The following CD1B variants were observed in gnomAD, a reference collection of about 807,000 sequenced individuals.
CD1B encodes the protein T-cell surface glycoprotein CD1b.
In CD1B, 43 loss-of-function variants were observed where a neutral mutation model predicts 39.8. The ratio of observed to expected loss-of-function variants is 1.08; its 90% CI spans 0.85 to 1.39. CD1B has a LOEUF of 1.39. CD1B is among the 40% of genes most tolerant of loss of function. The pLI, the probability that CD1B is intolerant of heterozygous loss-of-function variation, is 0.00. For synonymous variants in CD1B, 192 were observed against 152.5 expected, an observed-to-expected ratio of 1.26 and a Z score of -1.91; for missense variants, 495 against 403.8, an observed-to-expected ratio of 1.23 and a Z score of -1.94.
chr1:158,302,783 C>A, the CD1B span, among the ~76,000 whole-genome samples: 2 of 152,010 alleles, frequency 1.3e-5, no homozygotes, highest in Non-Finnish European at 2.9e-5. Flanking sequence ...AGAGTTGAAT[C>A]AGTAATAAAA....
the CD1B span, among the ~76,000 whole-genome samples, chr1:158,316,760 T>G: frequency 6.6e-6 from 1 of 151,660 alleles, no homozygotes; most frequent in African/African-American, 2.4e-5. Flanking sequence ...ATACTTCCAG[T>G]TTTTGCCCAT....
chr1:158,297,227 G>A, the CD1B span, among the ~76,000 whole-genome samples: 1 of 152,046 alleles, frequency 6.6e-6, no homozygotes, highest in African/African-American at 2.4e-5. Context: ...CCTACAAAGG[G>A]ACCCCAATCA....
the CD1B span, among the ~76,000 whole-genome samples, chr1:158,316,985 G>A: frequency 1.3e-5 from 2 of 151,404 alleles, no homozygotes; most frequent in Non-Finnish European, 2.9e-5. Flanking sequence ...TATTGAACCA[G>A]CCTTGCATCC....
chr1:158,292,020 G>A, the CD1B span: 5 of 1,513,042 alleles, frequency 3.3e-6, no homozygotes, highest in South Asian at 1.3e-5. Context: ...ACAGCCCTAG[G>A]TTTTTATACT....
the CD1B span, among the ~76,000 whole-genome samples, chr1:158,309,090 AGG>A: frequency 6.6e-6 from 1 of 152,208 alleles, no homozygotes; most frequent in Non-Finnish European, 1.5e-5. Flanking sequence ...CATCTGACAA[AGG>A]GCTAATATCC....
At chr1:158,313,635 G>A in the CD1B span, among the ~76,000 whole-genome samples, 1 of 152,026 alleles carries the variant, frequency 6.6e-6, no homozygotes, top group Non-Finnish European at 1.5e-5. Context: ...TGTTTTTGTT[G>A]TGTCATCTAG....
chr1:158,311,933 T>C, the CD1B span, among the ~76,000 whole-genome samples: 6 of 152,152 alleles, frequency 3.9e-5, no homozygotes, highest in Non-Finnish European at 8.8e-5. Context: ...GTAGTGTGAT[T>C]TCTACAGATT....
chr1:158,309,957 T>C, the CD1B span, among the ~76,000 whole-genome samples: 2 of 148,890 alleles, frequency 1.3e-5, no homozygotes, highest in African/African-American at 5.0e-5. Context: ...ATTGTGCACA[T>C]ATACCCTAAA....
the CD1B span, among the ~76,000 whole-genome samples, chr1:158,286,098 G>T: frequency 6.6e-6 from 1 of 152,098 alleles, no homozygotes; most frequent in Admixed American, 6.6e-5. Flanking sequence ...CCCAGGCGAA[G>T]GCAAACACAA....
downstream of CD1B, among the ~76,000 whole-genome samples, chr1:158,323,313 T>G (rs1205405733): frequency 6.6e-6 from 1 of 152,102 alleles, no homozygotes. Context: ...ATTAATTGTA[T>G]CTTTTAGCTC....
chr1:158,311,735 A>G, the CD1B span, among the ~76,000 whole-genome samples: 1 of 152,108 alleles, frequency 6.6e-6, no homozygotes, highest in Admixed American at 6.6e-5. Context: ...TTTTCCCAGC[A>G]CTATTTATTG....
At chr1:158,292,166 C>T in the CD1B span, 47 of 1,614,002 alleles carry the variant, frequency 2.9e-5, no homozygotes, top group South Asian at 1.4e-4. Flanking sequence ...TAGCTTTCAA[C>T]GGATTAGATT....
chr1:158,311,743 T>C, the CD1B span, among the ~76,000 whole-genome samples: 1 of 152,306 alleles, frequency 6.6e-6, no homozygotes, highest in South Asian at 2.1e-4. Flanking sequence ...GCACTATTTA[T>C]TGAAGAGACT....
the CD1B span, among the ~76,000 whole-genome samples, chr1:158,311,076 T>A: frequency 5.8e-4 from 88 of 152,306 alleles, no homozygotes; most frequent in African/African-American, 2.1e-3. Flanking sequence ...AAAAAAATAA[T>A]TTTTAAAAAT....
At chr1:158,318,740 T>G in the CD1B span, among the ~76,000 whole-genome samples, 1 of 152,204 alleles carries the variant, frequency 6.6e-6, no homozygotes, top group Non-Finnish European at 1.5e-5. Flanking sequence ...CATTAGTTGA[T>G]GCAGTTTCTT....
chr1:158,302,352 T>C, the CD1B span, among the ~76,000 whole-genome samples: 1 of 151,708 alleles, frequency 6.6e-6, no homozygotes, highest in Non-Finnish European at 1.5e-5. Context: ...AGATCTCAAA[T>C]TAGTAACATA....
chr1:158,302,695 A>G, the CD1B span, among the ~76,000 whole-genome samples: 2 of 152,326 alleles, frequency 1.3e-5, no homozygotes, highest in Middle Eastern at 3.4e-3. Flanking sequence ...GAAGAAATGG[A>G]AAAATTCTTG....
chr1:158,309,904 C>A, the CD1B span, among the ~76,000 whole-genome samples: 4 of 151,720 alleles, frequency 2.6e-5, no homozygotes, highest in Non-Finnish European at 5.9e-5. Flanking sequence ...ATGGCTGCAG[C>A]ACAACAACAT....
the CD1B span, among the ~76,000 whole-genome samples, chr1:158,307,521 A>G: frequency 2.0e-5 from 3 of 152,206 alleles, no homozygotes; most frequent in Non-Finnish European, 4.4e-5. Flanking sequence ...AGGAGCTGGT[A>G]CCATTCCTTC....
Sources: gnomAD v4.1 joint callset for allele counts (sites outside exome capture counted in the v4.1 genomes callset) on GRCh38, gnomAD v4.1.1 for gene constraint, MANE v1.5 for transcripts, NCBI Gene and HGNC (gene_info 2026-07-23, HGNC 2026-07-21) for gene names.